SRSF10: variants seen among roughly 807,000 people sequenced by gnomAD.
SRSF10 encodes serine/arginine-rich splicing factor 10.
SRSF10 carries 9 observed loss-of-function variants against 32.6 expected under a neutral mutation model. The ratio of observed to expected loss-of-function variants is 0.28; its 90% CI spans 0.17 to 0.48. The LOEUF (loss-of-function observed/expected upper bound fraction) is 0.48. Among genes scored for constraint, SRSF10 ranks in the 20% least tolerant of loss-of-function variants. The probability of loss-of-function intolerance (pLI) is 0.99; values close to 1 mark genes in which losing one functional copy is unlikely to be tolerated. For missense variants in SRSF10, 201 were observed against 331.8 expected, an observed-to-expected ratio of 0.61 and a Z score of 3.06; for synonymous variants, 105 against 112.4, an observed-to-expected ratio of 0.93 and a Z score of 0.42.
chr1:23,967,598 A>G lies in SRSF10; in HGVS notation c.*3544T>C. On this transcript the variant is annotated 3_prime_UTR_variant, in exon 6 of 6. Transcript: ENST00000492112. ...GTCAAAATATTCGTACAGTATTCAT[A>G]CTGCAGCACCTTCCACCCACCCTTT... 1 of 886,214 alleles carries G rather than the reference A, an allele frequency of 1.1e-6. No individual in the cohort carries two copies. The highest frequency in any genetic ancestry group is 1.9e-6 in the Non-Finnish European group (1 of 529,104). 54.9% of individuals were successfully genotyped at this position (886,214 alleles called of 1,614,324 possible).
In SRSF10 at chr1:23,970,601, C is replaced by T. The variant is rs1464479955; in HGVS notation, c.*541G>A. 112 of 882,050 alleles carry T rather than the reference C, an allele frequency of 1.3e-4. No homozygotes were observed. The highest frequency in any genetic ancestry group is 1.4e-4 in the Non-Finnish European group (102 of 735,834). The allele number at this position is 882,050 out of a possible 1,614,324, so 54.6% of individuals were successfully genotyped here. A position where few individuals can be genotyped will look rare whatever the true frequency, so the allele number is the denominator to read the frequency against. ...GTCTCGAACTCCTGACCTCGTGATC[C>T]GCCCGCCTCGGCCTCCCAAAGTGCT... On this transcript the variant is annotated 3_prime_UTR_variant, in exon 6 of 6. Coordinates refer to ENST00000492112, the MANE Select transcript of SRSF10 (RefSeq NM_054016.4).
chr1:23,974,376 G>A (rs75578660), intron 3 of SRSF10, among the ~76,000 whole-genome samples: 2,975 of 151,870 alleles, frequency 0.02, 98 homozygotes, highest in African/African-American at 0.065. Flanking sequence ...TTGTAAGTAC[G>A]CAGCGAACAT....
chr1:23,974,869 C>G, intron 3 of SRSF10, 105 bp downstream of exon 3: 1 of 807,380 alleles, frequency 1.2e-6, no homozygotes, highest in Non-Finnish European at 2.1e-6. Flanking sequence ...AAAAAAAGAT[C>G]CCTTTGGGTT....
At chr1:23,976,986 A>G (rs1037310653) in intron 2 of SRSF10, 1 of 152,184 alleles carries the variant, frequency 6.6e-6, no homozygotes, top group African/African-American at 2.4e-5. Flanking sequence ...TCAAACTACT[A>G]CTGACCTTGA....
rs1641749065 is a variant in SRSF10 at position 23,971,487 on chromosome 1, T to C, written c.492-48A>G. ...TAATTAGAGTAAAAATTAGATTCTA[T>C]ATTAATCAAATTTGTTATTTTTAGA... On this transcript the variant is annotated intron_variant, in intron 5 of 5. Transcript: ENST00000492112. 3 of 1,587,080 alleles carry C rather than the reference T, an allele frequency of 1.9e-6. No individual in the cohort carries two copies. The South Asian group carries it at 3.5e-5, about 18-fold the overall frequency.
chr1:23,980,208 G>A lies in SRSF10; in HGVS notation c.48C>T (p.Asn16=). Residue 16 remains asparagine (N), a synonymous_variant, in exon 1 of 6, where the codon AAC becomes AAT. Coordinates refer to ENST00000492112, the MANE Select transcript of SRSF10 (RefSeq NM_054016.4). ...RPPNTSLFVR[N]VADDTRSEDL... is the part of the protein sequence containing the mutation. ...GTACCTACCTGGTGTCGTCGGCCAC[G>A]TTCCTGACGAACAGAGACGTGTTGG... 2 of 1,530,262 alleles carry A rather than the reference G, an allele frequency of 1.3e-6. No homozygotes were observed. The allele number at this position is 1,530,262 out of a possible 1,614,324, so 94.8% of individuals were successfully genotyped here.
chr1:23,973,863 A>C (rs1159542907), intron 3 of SRSF10, among the ~76,000 whole-genome samples: 2 of 152,228 alleles, frequency 1.3e-5, no homozygotes, highest in Non-Finnish European at 2.9e-5. Context: ...TCAATGAAGC[A>C]GATACTTTAT....
intron 1 of SRSF10, among the ~76,000 whole-genome samples, chr1:23,979,408 G>A (rs1329864840): frequency 1.3e-5 from 2 of 152,146 alleles, no homozygotes; most frequent in Admixed American, 1.3e-4. Context: ...TATTTTCTGT[G>A]TGTAGATTCA....
In SRSF10 at chr1:23,970,194, GTTTTC is replaced by G. The variant is rs1303501005; in HGVS notation, c.*943_*947del. The G allele has an allele frequency of 5.1e-6, 5 of 985,108 alleles. No homozygotes were observed. The African/African-American group carries it at 8.7e-5, about 17-fold the overall frequency. The allele number at this position is 985,108 out of a possible 1,614,324, so 61.0% of individuals were successfully genotyped here. A position where few individuals can be genotyped will look rare whatever the true frequency, so the allele number is the denominator to read the frequency against. Reference sequence around the variant, plus strand: ...CTCAAATTTTAAGGTGAGTTTTTGTGTTTTCTATGTTCCAAATCTTCATAGGAACC... The same window carrying G: ...CTCAAATTTTAAGGTGAGTTTTTGTGTATGTTCCAAATCTTCATAGGAACC... On this transcript the variant is annotated 3_prime_UTR_variant, in exon 6 of 6. Coordinates refer to ENST00000492112, the MANE Select transcript of SRSF10 (RefSeq NM_054016.4).
At chr1:23,978,658 C>G in intron 2 of SRSF10, 55 bp downstream of exon 2, 1 of 1,552,864 alleles carries the variant, frequency 6.4e-7, no homozygotes, top group Non-Finnish European at 8.7e-7. Context: ...CTTACATAAA[C>G]TTGAATTTCA....
At chr1:23,975,303 T>C (rs939147735) in intron 2 of SRSF10, 54 of 486,926 alleles carry the variant, frequency 1.1e-4, no homozygotes, top group African/African-American at 1.0e-3. Context: ...TGAATACATA[T>C]TGCAGTAAAG....
chr1:23,978,847 T>G, intron 1 of SRSF10, 30 bp from the exon 2 acceptor site: 4 of 1,588,258 alleles, frequency 2.5e-6, no homozygotes, highest in Non-Finnish European at 3.4e-6. Flanking sequence ...CCTCAAATTT[T>G]TATGTCCAAG....
chr1:23,968,743 T>G lies in SRSF10; in HGVS notation c.*2399A>C, dbSNP rs35722114. Among the ~76,000 whole-genome samples the G allele has an allele frequency of 6.6e-6, 1 of 152,180 alleles. No individual in the cohort carries two copies. Among genetic ancestry groups the G allele is most frequent in the Non-Finnish European group, 1.5e-5 (1 of 68,024 alleles). ...GTTAAGCCCTAATGCGTCTTGTTTATAAGAGGGAGAGCAGAATTACTGATC... is the reference window on the plus strand; with the variant it reads ...GTTAAGCCCTAATGCGTCTTGTTTAGAAGAGGGAGAGCAGAATTACTGATC... On this transcript the variant is annotated 3_prime_UTR_variant, in exon 6 of 6. Coordinates refer to ENST00000492112, the MANE Select transcript of SRSF10 (RefSeq NM_054016.4).
At position 23,979,407 on chromosome 1, in the gene SRSF10, T is replaced by C. The variant is rs932930856; in HGVS notation, c.66-590A>G. ...AAAAACCCAAACCACTTATTTTCTG[T>C]GTGTAGATTCATTATTTGTGAAATA... On this transcript the variant is annotated intron_variant, in intron 1 of 5. Coordinates refer to ENST00000492112, the MANE Select transcript of SRSF10 (RefSeq NM_054016.4). Among the ~76,000 whole-genome samples, 11 of 152,172 alleles carry C rather than the reference T, an allele frequency of 7.2e-5. No individual in the cohort carries two copies. In the East Asian group the frequency reaches 2.1e-3, roughly 29 times the overall value.
chr1:23,973,604 A>G (rs1226320649), intron 3 of SRSF10, among the ~76,000 whole-genome samples: 5 of 152,180 alleles, frequency 3.3e-5, no homozygotes, highest in Non-Finnish European at 7.3e-5. Context: ...TACAGGCGTG[A>G]GCTACCACAC....
Position 23,966,778 on chromosome 1 carries a change from T to C in SRSF10, c.*4364A>G, listed in dbSNP as rs1186986199. ...TATTACAGATTAAATCATTTTTTCA[T>C]TATTTATAATAATGTGATCAAATAC... On this transcript the variant is annotated 3_prime_UTR_variant, in exon 6 of 6. Transcript: ENST00000492112. 1.3e-5 allele frequency: 2 copies of C among 152,094 alleles called. No individual in the cohort carries two copies. Among genetic ancestry groups the C allele is most frequent in the Non-Finnish European group, 2.9e-5 (2 of 67,946 alleles). 9.4% of individuals were successfully genotyped at this position (152,094 alleles called of 1,614,324 possible). A position where few individuals can be genotyped will look rare whatever the true frequency, so the allele number is the denominator to read the frequency against.
chr1:23,975,360 T>C, intron 2 of SRSF10: 1 of 300,938 alleles, frequency 3.3e-6, no homozygotes, highest in Non-Finnish European at 6.1e-6. Context: ...CAAGTTGTCC[T>C]ATCCAAAAAT....
chr1:23,974,694 T>C (rs1641978385), intron 3 of SRSF10, among the ~76,000 whole-genome samples: 1 of 152,006 alleles, frequency 6.6e-6, no homozygotes, highest in Non-Finnish European at 1.5e-5. Context: ...CCAGATGTGG[T>C]GGCATGCACC....
At chr1:23,972,244 T>C (rs1267474959) in intron 3 of SRSF10, among the ~76,000 whole-genome samples, 1 of 151,886 alleles carries the variant, frequency 6.6e-6, no homozygotes, top group African/African-American at 2.4e-5. Flanking sequence ...ATGCCATTTC[T>C]ACAAAAAATA....
Sources: gnomAD v4.1 joint callset for allele counts (sites outside exome capture counted in the v4.1 genomes callset) on GRCh38, gnomAD v4.1.1 for gene constraint, MANE v1.5 for transcripts, NCBI Gene and HGNC (gene_info 2026-07-23, HGNC 2026-07-21) for gene names.